The following BMPR2 variants were observed in gnomAD, a reference collection of about 807,000 sequenced individuals.
The protein encoded by BMPR2 is bone morphogenetic protein receptor type-2.
BMPR2 carries 29 observed loss-of-function variants against 100.8 expected under a neutral mutation model. The ratio of observed to expected loss-of-function variants is 0.29; its 90% CI spans 0.21 to 0.39. The LOEUF is 0.39. BMPR2 is among the 10% of genes least tolerant of loss of function. The probability of loss-of-function intolerance (pLI) is 1.00; values close to 1 mark genes in which losing one functional copy is unlikely to be tolerated. For missense variants in BMPR2, 1,011 were observed against 1,274.5 expected (o/e 0.79, Z 3.15); for synonymous variants, 382 against 442.3 (o/e 0.86, Z 1.71).
chr2:202,539,098 CAA>C (rs1688222729), intron 9 of BMPR2, among the ~76,000 whole-genome samples: 1 of 151,940 alleles, frequency 6.6e-6, no homozygotes, highest in African/African-American at 2.4e-5. Context: ...ATTAAGAAGA[CAA>C]ATGATCAGAA....
intron 3 of BMPR2, among the ~76,000 whole-genome samples, chr2:202,482,533 C>T (rs1275482461): frequency 6.6e-6 from 1 of 151,714 alleles, no homozygotes; most frequent in African/African-American, 2.4e-5. Flanking sequence ...GACCCCATGC[C>T]TGTCTAATTT....
chr2:202,547,973 T>G (rs889974949), intron 10 of BMPR2, among the ~76,000 whole-genome samples: 3 of 150,560 alleles, frequency 2.0e-5, no homozygotes, highest in Non-Finnish European at 4.4e-5. Context: ...TAATCTCAGC[T>G]ACTCAGGAGG....
chr2:202,527,523 C>T (rs1366496776), intron 7 of BMPR2, among the ~76,000 whole-genome samples: 3 of 135,264 alleles, frequency 2.2e-5, no homozygotes, highest in East Asian at 2.4e-4. Flanking sequence ...CGGTGGCTCA[C>T]GCCTGTAATC....
chr2:202,530,366 T>C (rs1451107186), intron 7 of BMPR2, among the ~76,000 whole-genome samples: 2 of 152,212 alleles, frequency 1.3e-5, no homozygotes. Context: ...ATTTGATCTG[T>C]TAAGCCATAG....
chr2:202,428,406 C>G (rs200537209), intron 1 of BMPR2, among the ~76,000 whole-genome samples: 1 of 95,486 alleles, frequency 1.0e-5, no homozygotes, highest in African/African-American at 2.9e-5. Flanking sequence ...TTCTCTCTCT[C>G]TTTTTTTTTT....
At chr2:202,468,312 A>T (rs1045791341) in intron 3 of BMPR2, among the ~76,000 whole-genome samples, 3 of 152,028 alleles carry the variant, frequency 2.0e-5, no homozygotes, top group Non-Finnish European at 4.4e-5. Context: ...TCCCATCTCT[A>T]CCAAAACAAT....
chr2:202,557,675 A>T (rs1295472037), intron 12 of BMPR2, among the ~76,000 whole-genome samples: 1 of 152,162 alleles, frequency 6.6e-6, no homozygotes, highest in African/African-American at 2.4e-5. Context: ...CTCAGGAAAA[A>T]AAATAAATAA....
intron 12 of BMPR2, among the ~76,000 whole-genome samples, chr2:202,559,303 C>CAA (rs373462571): frequency 6.7e-4 from 94 of 139,778 alleles, no homozygotes; most frequent in African/African-American, 2.3e-3. Flanking sequence ...CTCCATCCCC[C>CAA]AAAAAAAAAA....
intron 3 of BMPR2, among the ~76,000 whole-genome samples, chr2:202,502,915 C>T (rs540817632): frequency 5.3e-5 from 8 of 152,328 alleles, no homozygotes; most frequent in African/African-American, 1.7e-4. Flanking sequence ...TGCTGTTACT[C>T]GCCTTTGGGC....
intron 1 of BMPR2, among the ~76,000 whole-genome samples, chr2:202,425,105 C>T (rs572365214): frequency 1.1e-4 from 17 of 152,016 alleles, no homozygotes; most frequent in Non-Finnish European, 1.5e-4. Flanking sequence ...ACTACAGGCA[C>T]ATGCCACCAT....
Position 202,532,646 on chromosome 2 carries a change from G to C in BMPR2, c.1190G>C (p.Cys397Ser). 6.2e-7 allele frequency: 1 copy of C among 1,613,868 alleles called. No individual in the cohort carries two copies. The highest frequency in any genetic ancestry group is 1.1e-5 in the South Asian group (1 of 91,088). ...VLEGAVNLRD[C>S]ESALKQVDMY... is the part of the protein sequence containing the mutation. ...GAAGGAGCTGTGAACTTGAGGGACT[G>C]TGAATCAGCTTTGAAACAAGTAGAC... The change falls in exon 9 of 13, where the codon TGT becomes TCT. Residue 397 changes from cysteine (C) to serine (S), a missense_variant. Physicochemically the swap from Cys to Ser is moderately radical, Grantham distance 112. Coordinates refer to ENST00000374580, the MANE Select transcript of BMPR2 (RefSeq NM_001204.7). This position sits in a 1 kb window ranked among gnomAD's most constrained non-coding sequence, Gnocchi z 4.1.
intron 9 of BMPR2, among the ~76,000 whole-genome samples, chr2:202,534,517 C>T (rs943292831): frequency 2.6e-5 from 4 of 152,226 alleles, no homozygotes; most frequent in South Asian, 2.1e-4. Context: ...TTGCACCGCC[C>T]TTAATCCATT....
In BMPR2 at chr2:202,560,949, A is replaced by G. The variant is rs956334441; in HGVS notation, c.*1003A>G. The G allele has an allele frequency of 6.6e-6, 1 of 152,174 alleles. No homozygotes were observed. The highest frequency in any genetic ancestry group is 1.5e-5 in the Non-Finnish European group (1 of 68,016). 9.4% of individuals were successfully genotyped at this position (152,174 alleles called of 1,614,324 possible). A position where few individuals can be genotyped will look rare whatever the true frequency, so the allele number is the denominator to read the frequency against. On this transcript the variant is annotated 3_prime_UTR_variant, in exon 13 of 13. Transcript: ENST00000374580. ...ACTTATGGAATTTTTAAGTAGGTAA[A>G]TAAATGGTTAAGACAAAATAGTGTT... is the stretch of plus-strand genomic sequence containing the variant.
intron 1 of BMPR2, among the ~76,000 whole-genome samples, chr2:202,406,995 T>C (rs527426627): frequency 1.3e-5 from 2 of 152,184 alleles, no homozygotes; most frequent in East Asian, 3.9e-4. Flanking sequence ...TCACCCAGGC[T>C]GGAGTGCAGT....
chr2:202,513,501 T>C (rs1265743312), intron 3 of BMPR2, among the ~76,000 whole-genome samples: 5 of 152,206 alleles, frequency 3.3e-5, no homozygotes, highest in Non-Finnish European at 2.9e-5. Context: ...TACTTGGTGT[T>C]TTAGTGTTCC....
intron 9 of BMPR2, among the ~76,000 whole-genome samples, chr2:202,540,244 ATAATAAATAACAC>A (rs1240762957): frequency 6.6e-6 from 1 of 151,412 alleles, no homozygotes; most frequent in Non-Finnish European, 1.5e-5. Flanking sequence ...TGAAAAAAAA[ATAATAAATAACAC>A]TTGGAAGGTA....
chr2:202,464,882 A>T lies in BMPR2; in HGVS notation c.150A>T (p.Arg50Ser), dbSNP rs201759998. 1.2e-6 allele frequency: 2 copies of T among 1,613,874 alleles called. No individual in the cohort carries two copies. The highest frequency in any genetic ancestry group is 2.2e-5 in the South Asian group (2 of 91,078). Reference sequence around the variant, plus strand: ...AAGACCTTGGGATAGGTGAGAGTAGAATCTCTCATGAAAATGGGACAATAT... The same window carrying T: ...AAGACCTTGGGATAGGTGAGAGTAGTATCTCTCATGAAAATGGGACAATAT... ...YQQDLGIGES[R>S]ISHENGTILC... Residue 50 changes from arginine to serine, a missense_variant, in exon 2 of 13, where the codon AGA becomes AGT. By Grantham distance (110) the Arg-to-Ser change is moderately radical. Coordinates refer to ENST00000374580, the MANE Select transcript of BMPR2 (RefSeq NM_001204.7).
At chr2:202,489,244 C>A (rs1692847955) in intron 3 of BMPR2, among the ~76,000 whole-genome samples, 1 of 152,150 alleles carries the variant, frequency 6.6e-6, no homozygotes, top group South Asian at 2.1e-4. Context: ...ATCAGGCGAT[C>A]CACCCTCCTT....
chr2:202,381,339 A>G (rs1419728568), intron 1 of BMPR2, among the ~76,000 whole-genome samples: 2 of 152,170 alleles, frequency 1.3e-5, no homozygotes, highest in African/African-American at 2.4e-5. Flanking sequence ...ACAAAATCTT[A>G]GTGGCATGCA....
Sources: allele counts gnomAD v4.1 joint callset (sites outside exome capture counted in the v4.1 genomes callset), GRCh38; gene constraint gnomAD v4.1.1; non-coding constraint Gnocchi (gnomAD v3.1); transcripts MANE v1.5; gene names NCBI Gene and HGNC (gene_info 2026-07-23, HGNC 2026-07-21).